MRPS31: variants seen among roughly 807,000 people sequenced by gnomAD.
MRPS31 encodes the protein small ribosomal subunit protein mS31.
A neutral mutation model predicts 43.1 loss-of-function variants in MRPS31; 32 were observed. The observed-to-expected ratio is 0.74, with a 90% CI of 0.56 to 1.00. MRPS31 has a LOEUF of 1.00. MRPS31 is among the 50% of genes least tolerant of loss of function. The pLI is 0.00. For synonymous variants in MRPS31, 165 were observed against 161.6 expected, an observed-to-expected ratio of 1.02 and a Z score of -0.16; for missense variants, 437 against 466.7, an observed-to-expected ratio of 0.94 and a Z score of 0.59.
intron 6 of MRPS31, among the ~76,000 whole-genome samples, chr13:40,746,060 C>A (rs1453649625): frequency 4.6e-5 from 7 of 152,084 alleles, no homozygotes; most frequent in South Asian, 2.1e-4. Context: ...AAACAACAAA[C>A]CTTAATTTTT....
chr13:40,736,902 T>C (rs1225685435), intron 6 of MRPS31, among the ~76,000 whole-genome samples: 7 of 150,612 alleles, frequency 4.6e-5, no homozygotes, highest in Non-Finnish European at 1.0e-4. Context: ...GCTAACATCA[T>C]AATGACAGGA....
chr13:40,759,814 GT>G (rs1185460200), intron 2 of MRPS31, among the ~76,000 whole-genome samples: 1 of 152,108 alleles, frequency 6.6e-6, no homozygotes, highest in African/African-American at 2.4e-5. Context: ...AGGTTAACCA[GT>G]TCGCAGAAAC....
At chr13:40,758,122 G>A (rs1181090228) in intron 3 of MRPS31, among the ~76,000 whole-genome samples, 18 of 145,238 alleles carry the variant, frequency 1.2e-4, no homozygotes, top group African/African-American at 3.6e-4. Flanking sequence ...CAACCTGGGC[G>A]ACAGAGCGAG....
At chr13:40,744,070 G>A (rs559907501) in intron 6 of MRPS31, among the ~76,000 whole-genome samples, 4 of 152,242 alleles carry the variant, frequency 2.6e-5, no homozygotes, top group African/African-American at 9.6e-5. Flanking sequence ...GGAGCTGGGG[G>A]CCATTATCCT....
intron 3 of MRPS31, 149 bp from the exon 4 acceptor site, chr13:40,757,162 G>A (rs916277977): frequency 7.0e-5 from 41 of 582,646 alleles, no homozygotes; most frequent in Admixed American, 1.1e-4. Context: ...AAAAAATGTC[G>A]CCTATTAACA....
intron 5 of MRPS31, among the ~76,000 whole-genome samples, chr13:40,750,352 T>C (rs1430292811): frequency 1.3e-5 from 2 of 152,118 alleles, no homozygotes; most frequent in African/African-American, 2.4e-5. Flanking sequence ...GGCAGATCAA[T>C]GGTTGCCTAC....
At chr13:40,748,036 A>G (rs1880287500) in intron 6 of MRPS31, among the ~76,000 whole-genome samples, 1 of 152,244 alleles carries the variant, frequency 6.6e-6, no homozygotes. Context: ...AAAAATTAAG[A>G]TATTACAATG....
chr13:40,753,896 T>G lies in MRPS31; in HGVS notation c.814+123A>C, dbSNP rs149356477. 3,232 of 662,780 alleles carry G rather than the reference T, an allele frequency of 4.9e-3. 81 individuals carry two copies. The African/African-American group carries it at 0.049, about 10-fold the overall frequency. 41.1% of individuals were successfully genotyped at this position (662,780 alleles called of 1,614,324 possible). The stretch of plus-strand genomic sequence containing the variant: ...TTCCTTGTAACAACCGCCACATTCA[T>G]AAGCAGGATCCAGGCCAATGACAGA... On this transcript the variant is annotated intron_variant, in intron 5 of 6. Transcript: ENST00000323563.
At chr13:40,759,594 C>G (rs1880637217) in intron 2 of MRPS31, among the ~76,000 whole-genome samples, 1 of 152,110 alleles carries the variant, frequency 6.6e-6, no homozygotes, top group Non-Finnish European at 1.5e-5. Flanking sequence ...CAAGAATTCT[C>G]AACTATTAGG....
chr13:40,758,322 G>C (rs1200578973), intron 3 of MRPS31, among the ~76,000 whole-genome samples: 2 of 152,074 alleles, frequency 1.3e-5, no homozygotes, highest in Non-Finnish European at 1.5e-5. Context: ...GCCTCCCAAA[G>C]TGCTGGGATC....
At chr13:40,750,742 T>TTATATATATATATATATATATA (rs66521234) in intron 5 of MRPS31, among the ~76,000 whole-genome samples, 8 of 130,842 alleles carry the variant, frequency 6.1e-5, no homozygotes, top group South Asian at 5.0e-4. Context: ...GTATCCCATT[T>TTATATATATATATATATATATA]TATATATATA....
chr13:40,759,152 G>A, intron 2 of MRPS31, 46 bp from the exon 3 acceptor site: 1 of 1,477,810 alleles, frequency 6.8e-7, no homozygotes, highest in Non-Finnish European at 9.0e-7. Flanking sequence ...AAAAAAGAGA[G>A]ATTGGCCAGG....
chr13:40,743,733 T>C (rs1358178074), intron 6 of MRPS31, among the ~76,000 whole-genome samples: 3 of 152,218 alleles, frequency 2.0e-5, no homozygotes, highest in Non-Finnish European at 4.4e-5. Flanking sequence ...GGAAAGGGAA[T>C]GCTTATAAAC....
intron 6 of MRPS31, among the ~76,000 whole-genome samples, chr13:40,732,994 G>GT (rs1159862645): frequency 0.011 from 942 of 84,522 alleles, 27 homozygotes; most frequent in East Asian, 0.017. Flanking sequence ...AATGCATTTG[G>GT]TTTTTTTTTT....
intron 3 of MRPS31, among the ~76,000 whole-genome samples, chr13:40,758,124 C>G (rs1383892470): frequency 4.9e-5 from 7 of 142,512 alleles, no homozygotes; most frequent in African/African-American, 1.9e-4. Flanking sequence ...ACCTGGGCGA[C>G]AGAGCGAGAC....
chr13:40,732,211 A>G (rs531983477), intron 6 of MRPS31, among the ~76,000 whole-genome samples: 1 of 152,356 alleles, frequency 6.6e-6, no homozygotes, highest in South Asian at 2.1e-4. Context: ...CCTTAAATGA[A>G]GACGTTCCTT....
intron 5 of MRPS31, among the ~76,000 whole-genome samples, chr13:40,750,501 C>T (rs991073337): frequency 6.6e-6 from 1 of 151,892 alleles, no homozygotes; most frequent in Non-Finnish European, 1.5e-5. Flanking sequence ...AAGTTATATA[C>T]TTCAAATATA....
At chr13:40,750,253 T>C (rs1317754610) in intron 5 of MRPS31, among the ~76,000 whole-genome samples, 1 of 152,046 alleles carries the variant, frequency 6.6e-6, no homozygotes, top group African/African-American at 2.4e-5. Context: ...TTATGCTGAG[T>C]CAAAGAAGCC....
Position 40,771,140 on chromosome 13 carries a change from C to T in MRPS31, c.-4G>A, listed in dbSNP as rs1313462308. On this transcript the variant is annotated 5_prime_UTR_variant, in exon 1 of 7. Transcript: ENST00000323563. ...ACGTCGAGACTCTAGGAAACATCGC[C>T]GAGACACGAAATGAACCAAGAACAC... is the stretch of plus-strand genomic sequence containing the variant. 3.8e-6 allele frequency: 6 copies of T among 1,596,708 alleles called. No homozygotes were observed. The African/African-American group carries it at 4.0e-5, about 11-fold the overall frequency.
Sources: gnomAD v4.1 joint callset for allele counts (sites outside exome capture counted in the v4.1 genomes callset) on GRCh38, gnomAD v4.1.1 for gene constraint, MANE v1.5 for transcripts, NCBI Gene and HGNC (gene_info 2026-07-23, HGNC 2026-07-21) for gene names.